ILKAP: variants seen among roughly 807,000 people sequenced by gnomAD.
ILKAP encodes ILK associated serine/threonine phosphatase.
A neutral mutation model predicts 49.1 loss-of-function variants in ILKAP; 11 were observed. That is an observed-to-expected ratio of 0.22 (90% CI 0.14 to 0.37). ILKAP has a LOEUF of 0.37. Among genes scored for constraint, ILKAP ranks in the 10% least tolerant of loss-of-function variants. The pLI, the probability that ILKAP is intolerant of heterozygous loss-of-function variation, is 1.00. For missense variants in ILKAP, 363 were observed against 510.8 expected (o/e 0.71, Z 2.79); for synonymous variants, 186 against 192.8 (o/e 0.96, Z 0.29).
Position 238,173,142 on chromosome 2 carries a change from G to A in ILKAP, c.956+392C>T, listed in dbSNP as rs142288467. Among the ~76,000 whole-genome samples, 52 of 152,252 alleles carry A rather than the reference G, an allele frequency of 3.4e-4. 1 individual carries two copies. The East Asian group carries it at 8.7e-3, about 25-fold the overall frequency. On this transcript the variant is annotated intron_variant, in intron 10 of 11. Coordinates refer to ENST00000254654, the MANE Select transcript of ILKAP (RefSeq NM_030768.3). ...TCAGGATCTGCCCCCAAAGTACCCTGCTATCACTTTCCCACCACTCCCTCC... is the reference window on the plus strand; with the variant it reads ...TCAGGATCTGCCCCCAAAGTACCCTACTATCACTTTCCCACCACTCCCTCC...
chr2:238,194,954 T>G, intron 1 of ILKAP, 84 bp from the exon 2 acceptor site: 1 of 1,096,744 alleles, frequency 9.1e-7, no homozygotes, highest in Non-Finnish European at 1.4e-6. Flanking sequence ...TGGTCTCCCC[T>G]GCTTTGACAC....
chr2:238,194,456 T>C, intron 2 of ILKAP, 125 bp from the exon 3 acceptor site: 1 of 768,202 alleles, frequency 1.3e-6, no homozygotes, highest in Non-Finnish European at 2.2e-6. Flanking sequence ...GTCAATCCAG[T>C]GGCAACTCAT....
chr2:238,185,345 TTA>T (rs1367138462), intron 5 of ILKAP, 58 bp from the exon 6 acceptor site: 14 of 1,096,858 alleles, frequency 1.3e-5, no homozygotes, highest in Non-Finnish European at 1.7e-5. Flanking sequence ...CACTTTTCCA[TTA>T]AAGCTTTTAA....
At chr2:238,170,713 C>T (rs1693176900) in intron 11 of ILKAP, 37 bp from the exon 12 acceptor site, 1 of 1,599,964 alleles carries the variant, frequency 6.3e-7, no homozygotes, top group Non-Finnish European at 8.5e-7. Flanking sequence ...AATGGAGTGA[C>T]CCCGCACCCT....
intron 9 of ILKAP, among the ~76,000 whole-genome samples, chr2:238,177,732 T>A (rs752496860): frequency 6.6e-6 from 1 of 152,222 alleles, no homozygotes; most frequent in South Asian, 2.1e-4. Flanking sequence ...CAATGAACAT[T>A]TGGGTTGCTT....
chr2:238,176,422 C>T (rs1225557161), intron 9 of ILKAP, among the ~76,000 whole-genome samples: 1 of 152,184 alleles, frequency 6.6e-6, no homozygotes, highest in African/African-American at 2.4e-5. Flanking sequence ...TGAGCCACCA[C>T]GCCTGGCCAA....
intron 9 of ILKAP, 79 bp downstream of exon 9, chr2:238,181,986 T>C: frequency 6.7e-7 from 1 of 1,502,850 alleles, no homozygotes; most frequent in Non-Finnish European, 9.1e-7. Context: ...CAGGGGAAGT[T>C]CTACTCCTTG....
chr2:238,198,842 T>G (rs1411154302), intron 1 of ILKAP, among the ~76,000 whole-genome samples: 1 of 152,146 alleles, frequency 6.6e-6, no homozygotes, highest in African/African-American at 2.4e-5. Flanking sequence ...CCAATAAAGT[T>G]AAAAAAGGAT....
At chr2:238,179,505 A>G (rs368011784) in intron 9 of ILKAP, among the ~76,000 whole-genome samples, 1 of 152,212 alleles carries the variant, frequency 6.6e-6, no homozygotes, top group Admixed American at 6.5e-5. Context: ...TGATGAAATA[A>G]TGATTTAGGG....
At chr2:238,186,721 C>A (rs1320544657) in intron 5 of ILKAP, 18 of 147,002 alleles carry the variant, frequency 1.2e-4, no homozygotes, top group African/African-American at 2.5e-4. Context: ...AAAAAAAAAA[C>A]AAAAATGCCC....
intron 1 of ILKAP, among the ~76,000 whole-genome samples, chr2:238,201,257 T>G (rs1167727194): frequency 6.6e-6 from 1 of 152,242 alleles, no homozygotes; most frequent in Non-Finnish European, 1.5e-5. Context: ...GATTTTAACC[T>G]GTCAAATCTC....
At chr2:238,186,525 A>ATGT (rs1042872361) in intron 5 of ILKAP, 13 of 152,294 alleles carry the variant, frequency 8.5e-5, no homozygotes, top group Middle Eastern at 3.4e-3. Flanking sequence ...CACTGACTTG[A>ATGT]TGTTGTTATT....
intron 10 of ILKAP, 123 bp from the exon 11 acceptor site, chr2:238,171,147 TTTTTTC>T: frequency 3.1e-6 from 2 of 643,504 alleles, no homozygotes; most frequent in Non-Finnish European, 5.2e-6. Context: ...CTAAGGTTTT[TTTTTTC>T]TTTTTTCTTT....
intron 9 of ILKAP, among the ~76,000 whole-genome samples, chr2:238,178,789 CAAT>C (rs1182914199): frequency 6.8e-6 from 1 of 146,790 alleles, no homozygotes; most frequent in Non-Finnish European, 1.5e-5. Flanking sequence ...TGATGTAAAT[CAAT>C]TATTATTATT....
At chr2:238,203,188 G>A (rs1023518265) in intron 1 of ILKAP, among the ~76,000 whole-genome samples, 16 of 151,064 alleles carry the variant, frequency 1.1e-4, no homozygotes, top group African/African-American at 3.9e-4. Flanking sequence ...CGGTCCCTCG[G>A]GTCGGCCCAC....
chr2:238,191,714 C>T (rs1049762346), intron 3 of ILKAP, among the ~76,000 whole-genome samples: 2 of 151,910 alleles, frequency 1.3e-5, no homozygotes, highest in African/African-American at 4.8e-5. Context: ...TCAAGACAAG[C>T]CTGACCAACA....
chr2:238,188,583 T>C, intron 4 of ILKAP: 1 of 200,750 alleles, frequency 5.0e-6, no homozygotes, highest in South Asian at 1.3e-4. Context: ...GAGATTCAAA[T>C]CAGGCAAAAG....
At chr2:238,185,358 A>G in intron 5 of ILKAP, 71 bp from the exon 6 acceptor site, 1 of 990,652 alleles carries the variant, frequency 1.0e-6, no homozygotes, top group East Asian at 2.5e-5. Context: ...AAGCTTTTAA[A>G]TTTCGTCTCA....
At chr2:238,173,384 A>G (rs1014045006) in intron 10 of ILKAP, 150 bp downstream of exon 10, 5 of 985,488 alleles carry the variant, frequency 5.1e-6, no homozygotes, top group Non-Finnish European at 5.8e-6. Flanking sequence ...ACCCCACCAG[A>G]GCAGAAACCA....
Sources: allele counts gnomAD v4.1 joint callset (sites outside exome capture counted in the v4.1 genomes callset), GRCh38; gene constraint gnomAD v4.1.1; transcripts MANE v1.5; gene names NCBI Gene and HGNC (gene_info 2026-07-23, HGNC 2026-07-21).